Variants in SLC22A2 observed in about 807,000 individuals in gnomAD.
SLC22A2 encodes the protein organic cation transporter 2.
In SLC22A2, 46 loss-of-function variants were observed where a neutral mutation model predicts 60.5. The ratio of observed to expected loss-of-function variants is 0.76; its 90% CI spans 0.60 to 0.97. The LOEUF (loss-of-function observed/expected upper bound fraction) is 0.97, where lower values mean the gene tolerates loss of function less well. Among genes scored for constraint, SLC22A2 ranks in the 50% least tolerant of loss-of-function variants. The pLI is 0.00. For synonymous variants in SLC22A2, 303 were observed against 267.0 expected (o/e 1.13, Z -1.31); for missense variants, 701 against 706.6 (o/e 0.99, Z 0.09).
At chr6:160,245,784 CA>C in intron 5 of SLC22A2, among the ~76,000 whole-genome samples, 1 of 150,204 alleles carries the variant, frequency 6.7e-6, no homozygotes, top group Non-Finnish European at 1.5e-5. Flanking sequence ...CTGCAACCTC[CA>C]CCTCCTGGGT....
chr6:160,237,234 T>C (rs1329608095), intron 9 of SLC22A2, among the ~76,000 whole-genome samples: 4 of 152,210 alleles, frequency 2.6e-5, no homozygotes, highest in East Asian at 1.9e-4. Flanking sequence ...TCTGGGCTCA[T>C]TGGAATCAGG....
intron 6 of SLC22A2, chr6:160,244,331 A>G (rs315994): frequency 0.7 from 107,116 of 152,942 alleles, 39,321 homozygotes; most frequent in Admixed American, 0.82. Flanking sequence ...TGCCTGCCTC[A>G]GCCTCCCGAA....
intron 9 of SLC22A2, among the ~76,000 whole-genome samples, chr6:160,236,719 G>A (rs1358467982): frequency 6.6e-6 from 1 of 152,184 alleles, no homozygotes; most frequent in Non-Finnish European, 1.5e-5. Flanking sequence ...CATAGTCCCT[G>A]TACAGGGTTC....
chr6:160,237,046 A>G (rs1782922224), intron 9 of SLC22A2, among the ~76,000 whole-genome samples: 1 of 152,212 alleles, frequency 6.6e-6, no homozygotes, highest in African/African-American at 2.4e-5. Context: ...AACTGGAGAG[A>G]GAAAAATTAT....
At position 160,221,022 on chromosome 6, in the gene SLC22A2, C is replaced by T. The variant is rs545947484; in HGVS notation, c.1602-3524G>A. On this transcript the variant is annotated intron_variant, in intron 10 of 10. Transcript: ENST00000366953. ...TTCACAAGAGAGTCAACCTGTCCTT[C>T]GAGCTTTGAAACCAGACATTGATTT... 2.7e-4 allele frequency among the ~76,000 whole-genome samples: 41 copies of T among 152,292 alleles called. 1 individual carries two copies. The South Asian group carries it at 5.8e-3, about 22-fold the overall frequency.
intron 9 of SLC22A2, among the ~76,000 whole-genome samples, chr6:160,239,191 C>T (rs1170215128): frequency 6.6e-6 from 1 of 152,162 alleles, no homozygotes; most frequent in African/African-American, 2.4e-5. Context: ...TGACAGTTTA[C>T]AGATGCCAGA....
At chr6:160,243,084 G>A (rs1228052251) in intron 7 of SLC22A2, among the ~76,000 whole-genome samples, 1 of 152,172 alleles carries the variant, frequency 6.6e-6, no homozygotes, top group Admixed American at 6.5e-5. Flanking sequence ...GCTCCATATT[G>A]CTAAAAGGAT....
At chr6:160,255,488 G>A (rs1783254978) in intron 2 of SLC22A2, among the ~76,000 whole-genome samples, 1 of 152,158 alleles carries the variant, frequency 6.6e-6, no homozygotes, top group South Asian at 2.1e-4. Flanking sequence ...GATGTAGTTG[G>A]GGATGGCATG....
chr6:160,234,736 C>T (rs1030128423), intron 9 of SLC22A2, among the ~76,000 whole-genome samples: 1 of 152,228 alleles, frequency 6.6e-6, no homozygotes, highest in African/African-American at 2.4e-5. Flanking sequence ...AGTTAAAAGA[C>T]TTTGCAAGCT....
In SLC22A2 at chr6:160,242,190, A is replaced by G. The variant is rs530414901; in HGVS notation, c.1388+104T>C. 6.0e-5 allele frequency: 46 copies of G among 767,366 alleles called. No homozygotes were observed. The South Asian group carries it at 6.6e-4, about 11-fold the overall frequency. 47.5% of individuals were successfully genotyped at this position (767,366 alleles called of 1,614,324 possible). ...TTTACGTGTTCTCACCTTCCCTTAC[A>G]CTGTGTTTTGAAGGTAAGATATCCT... On this transcript the variant is annotated intron_variant, in intron 8 of 10. Transcript: ENST00000366953.
chr6:160,255,857 T>G (rs547177404), intron 2 of SLC22A2, among the ~76,000 whole-genome samples: 2 of 152,308 alleles, frequency 1.3e-5, no homozygotes, highest in South Asian at 4.1e-4. Context: ...TCATTGGTCA[T>G]CAAGAGAGCA....
intron 9 of SLC22A2, among the ~76,000 whole-genome samples, chr6:160,227,891 G>A (rs12205178): frequency 0.12 from 18,465 of 152,206 alleles, 1,268 homozygotes; most frequent in African/African-American, 0.16. Context: ...ACCTCTGGTC[G>A]TCTTCATTGC....
At chr6:160,252,027 T>C (rs1783193281) in intron 2 of SLC22A2, among the ~76,000 whole-genome samples, 1 of 152,170 alleles carries the variant, frequency 6.6e-6, no homozygotes, top group South Asian at 2.1e-4. Flanking sequence ...GTTTGTCACA[T>C]AGGGAAATGT....
At chr6:160,222,023 G>A (rs1041057727) in intron 10 of SLC22A2, among the ~76,000 whole-genome samples, 1 of 152,172 alleles carries the variant, frequency 6.6e-6, no homozygotes, top group Admixed American at 6.5e-5. Context: ...TATCTGCAAA[G>A]CACAATAAAA....
rs780754617 is a variant in SLC22A2, at chr6:160,258,580, T to A, written c.178A>T (p.Ser60Cys). ...RCRSPGVAEL[S>C]LRCGWSPAEE... ...GCAGGACTCCAGCCGCAGCGCAGAC[T>A]CAGCTCGGCCACTCCGGGGCTCCGG... Residue 60 changes from serine to cysteine, a missense_variant, in exon 1 of 11, where the codon AGT becomes TGT. Transcript: ENST00000366953. The A allele has an allele frequency of 1.2e-6, 2 of 1,613,888 alleles. No homozygotes were observed. Among genetic ancestry groups the A allele is most frequent in the Non-Finnish European group, 1.7e-6 (2 of 1,179,890 alleles).
rs549201036 is a variant in SLC22A2, at chr6:160,229,265, A to G, written c.1502-4461T>C. 1.1e-4 allele frequency among the ~76,000 whole-genome samples: 16 copies of G among 151,768 alleles called. 2 individuals carry two copies. Among genetic ancestry groups the G allele is most frequent in the Admixed American group, 4.6e-4 (7 of 15,288 alleles). ...ATCCCTCAACCTCTTTCTTCTTTCA[A>G]TCTTGGCACCACACTTCAATCTCTC... On this transcript the variant is annotated intron_variant, in intron 9 of 10. Transcript: ENST00000366953.
At position 160,250,673 on chromosome 6, in the gene SLC22A2, G is replaced by C. The variant is rs920919852; in HGVS notation, c.548C>G (p.Thr183Arg). 1.2e-6 allele frequency: 2 copies of C among 1,614,080 alleles called. No individual in the cohort carries two copies. The highest frequency in any genetic ancestry group is 1.1e-5 in the South Asian group (1 of 91,078). Residue 183 changes from threonine to arginine, a missense_variant, in exon 3 of 11, where the codon ACA (threonine) becomes AGA (arginine). Physicochemically the swap from Thr to Arg is moderately conservative, Grantham distance 71. Coordinates refer to ENST00000366953, the MANE Select transcript of SLC22A2 (RefSeq NM_003058.4). ...RFGRKLCLLT[T>R]VLINAAAGVL... is the part of the protein sequence containing the mutation. ...TCCAGCTGCAGCATTTATGAGGACT[G>C]TAGTTAGGAGGCAGAGCTTACGGCC...
Position 160,258,337 on chromosome 6 carries a change from C to T in SLC22A2, c.414+7G>A. On this transcript the variant is annotated splice_region_variant and intron_variant, in intron 1 of 10. Coordinates refer to ENST00000366953, the MANE Select transcript of SLC22A2 (RefSeq NM_003058.4). The stretch of plus-strand genomic sequence containing the variant: ...TCTCCATCTGAGCCCTGAGCTCACT[C>T]TCTTACCTCGGTGACGATGGACGAG... 1 of 1,601,092 alleles carries T rather than the reference C, an allele frequency of 6.2e-7. No homozygotes were observed. Among genetic ancestry groups the T allele is most frequent in the Non-Finnish European group, 8.5e-7 (1 of 1,174,204 alleles).
intron 2 of SLC22A2, among the ~76,000 whole-genome samples, chr6:160,254,200 C>T (rs776216135): frequency 1.3e-5 from 2 of 152,124 alleles, no homozygotes; most frequent in Non-Finnish European, 2.9e-5. Flanking sequence ...ATTGCTTGAA[C>T]CCAGGAGGCA....
Sources: allele counts gnomAD v4.1 joint callset (sites outside exome capture counted in the v4.1 genomes callset), GRCh38; gene constraint gnomAD v4.1.1; transcripts MANE v1.5; gene names NCBI Gene and HGNC (gene_info 2026-07-23, HGNC 2026-07-21).